Variants in DNM1L observed in about 807,000 individuals in gnomAD.
DNM1L encodes dynamin-1-like protein.
Under a neutral mutation model 92.8 loss-of-function variants are expected in DNM1L, and 33 were observed. The observed-to-expected ratio is 0.36, with a 90% CI of 0.27 to 0.48. The LOEUF is 0.48. Among genes scored for constraint, DNM1L ranks in the 20% least tolerant of loss-of-function variants. The pLI, the probability that DNM1L is intolerant of heterozygous loss-of-function variation, is 0.99. For synonymous variants in DNM1L, 284 were observed against 305.0 expected, an observed-to-expected ratio of 0.93 and a Z score of 0.72; for missense variants, 485 against 888.8, an observed-to-expected ratio of 0.55 and a Z score of 5.78.
At chr12:32,697,002 C>T (rs73295979) in intron 1 of DNM1L, among the ~76,000 whole-genome samples, 23,083 of 149,540 alleles carry the variant, frequency 0.15, 1,866 homozygotes, top group Middle Eastern at 0.22. Context: ...CCAAGGTGGG[C>T]GGATCACTTT....
rs369931182 is a variant in DNM1L, at chr12:32,700,126, ATTTC to A, written c.103-1285_103-1282del. Among the ~76,000 whole-genome samples the A allele has an allele frequency of 5.7e-3, 858 of 149,304 alleles. 12 individuals are homozygous for A. Among genetic ancestry groups the A allele is most frequent in the African/African-American group, 0.021 (835 of 40,384 alleles). On this transcript the variant is annotated intron_variant, in intron 1 of 19. Transcript: ENST00000549701. ...TACATAGTAGAATACTGTTTTAGCT[ATTTC>A]TTTTTTTTGAGAAGGAGTCTTGCTC... is the stretch of plus-strand genomic sequence containing the variant.
intron 1 of DNM1L, among the ~76,000 whole-genome samples, chr12:32,694,781 A>T (rs1952373951): frequency 6.6e-6 from 1 of 152,224 alleles, no homozygotes; most frequent in South Asian, 2.1e-4. Flanking sequence ...ATTGTTATCC[A>T]TACTGGAAGA....
rs1954561904 is a variant in DNM1L, at chr12:32,731,659, A to G, written c.1356+148A>G. On this transcript the variant is annotated intron_variant, in intron 11 of 19. Coordinates refer to ENST00000549701, the MANE Select transcript of DNM1L (RefSeq NM_012062.5). This position sits in a 1 kb window ranked among gnomAD's most constrained non-coding sequence, Gnocchi z 5.1. ...GAAAGTGATTTGAAATAGGATTCTTAAATGTAGTCTCCAAATTGAATTCAG... is the reference window on the plus strand; with the variant it reads ...GAAAGTGATTTGAAATAGGATTCTTGAATGTAGTCTCCAAATTGAATTCAG... 1 of 1,130,638 alleles carries G rather than the reference A, an allele frequency of 8.8e-7. No homozygotes were observed. Among genetic ancestry groups the G allele is most frequent in the African/African-American group, 1.5e-5 (1 of 64,624 alleles). 70.0% of individuals were successfully genotyped at this position (1,130,638 alleles called of 1,614,324 possible).
Position 32,718,769 on chromosome 12 carries a change from C to T in DNM1L, c.740+6C>T, listed in dbSNP as rs747072977. On this transcript the variant is annotated splice_donor_region_variant and intron_variant, in intron 7 of 19. Coordinates refer to ENST00000549701, the MANE Select transcript of DNM1L (RefSeq NM_012062.5). Reference sequence around the variant, plus strand: ...ATAATTGGAGTAGTTAACAGGTTAGCAGTTAGAATGGGATAAGAATTGGGA... The same window carrying T: ...ATAATTGGAGTAGTTAACAGGTTAGTAGTTAGAATGGGATAAGAATTGGGA... 6.2e-7 allele frequency: 1 copy of T among 1,613,212 alleles called. No homozygotes were observed. The highest frequency in any genetic ancestry group is 1.3e-5 in the African/African-American group (1 of 74,850).
chr12:32,740,213 A>G lies in DNM1L; in HGVS notation c.1857A>G (p.Lys619=). The G allele has an allele frequency of 6.2e-7, 1 of 1,614,186 alleles. No homozygotes were observed. The highest frequency in any genetic ancestry group is 1.1e-5 in the South Asian group (1 of 91,082). The change falls in exon 17 of 20, where the codon AAA becomes AAG. Residue 619 remains lysine (K), a synonymous_variant. Coordinates refer to ENST00000549701, the MANE Select transcript of DNM1L (RefSeq NM_012062.5). ...PIPIMPASPQ[K]GHAVNLLDVP... ...CAATTATGCCAGCCAGTCCACAAAAAGGTCATGCCGTGAACCTGCTAGATG... is the reference window on the plus strand; with the variant it reads ...CAATTATGCCAGCCAGTCCACAAAAGGGTCATGCCGTGAACCTGCTAGATG...
intron 18 of DNM1L, among the ~76,000 whole-genome samples, 183 bp downstream of exon 18, chr12:32,740,701 C>T (rs796619742): frequency 2.6e-5 from 4 of 152,272 alleles, no homozygotes; most frequent in African/African-American, 9.6e-5. Flanking sequence ...TGACTAGGAC[C>T]TCATGTATCA....
intron 2 of DNM1L, among the ~76,000 whole-genome samples, 156 bp downstream of exon 2, chr12:32,701,718 G>A (rs1330543905): frequency 6.7e-6 from 1 of 149,978 alleles, no homozygotes; most frequent in African/African-American, 2.5e-5. Flanking sequence ...GTAAAAAAAA[G>A]AGTAGTTTTT....
At chr12:32,715,198 A>C (rs1018229197) in intron 6 of DNM1L, among the ~76,000 whole-genome samples, 1 of 150,350 alleles carries the variant, frequency 6.7e-6, no homozygotes, top group African/African-American at 2.5e-5. Flanking sequence ...GGCTCAAGTG[A>C]TCTTCCCACC....
chr12:32,742,842 T>TTTATA (rs1276321894), intron 19 of DNM1L, 94 bp downstream of exon 19: 1 of 1,447,182 alleles, frequency 6.9e-7, no homozygotes, highest in African/African-American at 1.4e-5. Flanking sequence ...ATGTATAGTC[T>TTTATA]TTATATTCTA....
At chr12:32,682,886 G>A (rs913010864) in intron 1 of DNM1L, among the ~76,000 whole-genome samples, 3 of 152,174 alleles carry the variant, frequency 2.0e-5, no homozygotes, top group African/African-American at 7.2e-5. Flanking sequence ...GAGACCATCT[G>A]TGTGAAATGA....
intron 1 of DNM1L, among the ~76,000 whole-genome samples, chr12:32,694,333 C>T (rs1413338637): frequency 6.6e-6 from 1 of 152,208 alleles, no homozygotes; most frequent in African/African-American, 2.4e-5. Flanking sequence ...ATCCGCCTGC[C>T]TTGGCCTCCC....
intron 6 of DNM1L, among the ~76,000 whole-genome samples, chr12:32,718,018 T>C (rs1953608648): frequency 8.0e-6 from 1 of 124,922 alleles, no homozygotes; most frequent in South Asian, 2.3e-4. Context: ...ATATAGTATA[T>C]ATATTATAAA....
At chr12:32,705,000 GTTTTTT>G (rs35375744) in intron 2 of DNM1L, among the ~76,000 whole-genome samples, 2 of 118,878 alleles carry the variant, frequency 1.7e-5, no homozygotes, top group Admixed American at 8.9e-5. Flanking sequence ...CTCAGGCAAA[GTTTTTT>G]TTTTTTTTTT....
chr12:32,703,629 A>G (rs566286046), intron 2 of DNM1L, among the ~76,000 whole-genome samples: 1,688 of 151,982 alleles, frequency 0.011, 23 homozygotes, highest in Non-Finnish European at 0.017. Flanking sequence ...AAAAAAAAAA[A>G]AAAGAAATCA....
rs140576826 is a variant in DNM1L, at chr12:32,735,530, G to A, written c.1540-1575G>A. Reference sequence around the variant, plus strand: ...TGTTATTTTTTATTACTGAATACCCGCCCATGAAAAAATAAAATTGGGTCA... The same window carrying A: ...TGTTATTTTTTATTACTGAATACCCACCCATGAAAAAATAAAATTGGGTCA... On this transcript the variant is annotated intron_variant, in intron 13 of 19. Transcript: ENST00000549701. Among the ~76,000 whole-genome samples, 28 of 151,850 alleles carry A rather than the reference G, an allele frequency of 1.8e-4. No homozygotes were observed. In the East Asian group the frequency reaches 2.9e-3, roughly 16 times the overall value.
intron 9 of DNM1L, among the ~76,000 whole-genome samples, chr12:32,724,591 A>AT (rs767664262): frequency 9.5e-3 from 649 of 68,476 alleles, no homozygotes; most frequent in Middle Eastern, 0.04. Flanking sequence ...AAAAAAAAAA[A>AT]AAATATATAT....
chr12:32,685,484 CT>C (rs1951973062), intron 1 of DNM1L, among the ~76,000 whole-genome samples: 1 of 151,638 alleles, frequency 6.6e-6, no homozygotes. Flanking sequence ...CTTCAGCATC[CT>C]GAGTAGCTGG....
At chr12:32,737,064 A>G (rs762594230) in intron 13 of DNM1L, 41 bp from the exon 14 acceptor site, 1 of 1,610,396 alleles carries the variant, frequency 6.2e-7, no homozygotes, top group Non-Finnish European at 8.5e-7. Context: ...CATATATCTC[A>G]ATACTTGGAT....
intron 1 of DNM1L, chr12:32,679,958 A>G: frequency 1.0e-6 from 1 of 985,470 alleles, no homozygotes; most frequent in Non-Finnish European, 1.2e-6. Flanking sequence ...TAGTTTTGGA[A>G]TCGCTCTGTT....
Sources: gnomAD v4.1 joint callset for allele counts (sites outside exome capture counted in the v4.1 genomes callset) on GRCh38, gnomAD v4.1.1 for gene constraint, Gnocchi (gnomAD v3.1) non-coding constraint, MANE v1.5 for transcripts, NCBI Gene and HGNC (gene_info 2026-07-23, HGNC 2026-07-21) for gene names.